CORO1B: variants seen among roughly 807,000 people sequenced by gnomAD.
CORO1B encodes the protein coronin 1B, also known as coronin-1B.
A neutral mutation model predicts 51.1 loss-of-function variants in CORO1B; 30 were observed. The ratio of observed to expected loss-of-function variants is 0.59; its 90% CI spans 0.44 to 0.80. The LOEUF (loss-of-function observed/expected upper bound fraction) is 0.80. Among genes scored for constraint, CORO1B ranks in the 30% least tolerant of loss-of-function variants. The probability of loss-of-function intolerance (pLI) is 0.00; values close to 1 mark genes in which losing one functional copy is unlikely to be tolerated. For missense variants in CORO1B, 648 were observed against 700.4 expected (o/e 0.93, Z 0.84); for synonymous variants, 310 against 289.7 (o/e 1.07, Z -0.71).
In CORO1B at chr11:67,438,439, C is replaced by T. The variant is rs1298924071; in HGVS notation, c.1407G>A (p.Glu469=). ...ELRALRALVK[E]QGDRICRLEE... Reference sequence around the variant, plus strand: ...CCAGGCGGCAGATGCGGTCGCCCTGCTCCTTGACCAGCGCCCTCAGGGCCC... The same window carrying T: ...CCAGGCGGCAGATGCGGTCGCCCTGTTCCTTGACCAGCGCCCTCAGGGCCC... The change falls in exon 11 of 11, where the codon GAG becomes GAA. Residue 469 remains glutamate, a synonymous_variant. Transcript: ENST00000341356. The T allele has an allele frequency of 1.2e-6, 2 of 1,611,466 alleles. No individual in the cohort carries two copies. Among genetic ancestry groups the T allele is most frequent in the Admixed American group, 1.7e-5 (1 of 59,986 alleles).
At position 67,438,497 on chromosome 11, in the gene CORO1B, G is replaced by A; in HGVS notation, c.1349C>T (p.Ala450Val). Reference sequence around the variant, plus strand: ...CTGCATCACCTCCTCCAGCTTCCCAGCCTCCTGTGGGGACATGAAGCAGGG... The same window carrying A: ...CTGCATCACCTCCTCCAGCTTCCCAACCTCCTGTGGGGACATGAAGCAGGG... ...PSGSLARAGEAGKLEEVMQEL... is the reference protein window; with the variant it reads ...PSGSLARAGEVGKLEEVMQEL... Residue 450 changes from alanine to valine, a missense_variant, in exon 11 of 11, where the codon GCT becomes GTT. By Grantham distance (64) the Ala-to-Val change is moderately conservative. Coordinates refer to ENST00000341356, the MANE Select transcript of CORO1B (RefSeq NM_020441.3). 2 of 1,607,724 alleles carry A rather than the reference G, an allele frequency of 1.2e-6. No homozygotes were observed. Among genetic ancestry groups the A allele is most frequent in the Non-Finnish European group, 1.7e-6 (2 of 1,176,372 alleles).
At chr11:67,441,599 C>T (rs760014296) in intron 4 of CORO1B, 85 bp from the exon 5 acceptor site, 2 of 1,555,920 alleles carry the variant, frequency 1.3e-6, no homozygotes, top group African/African-American at 1.4e-5. Flanking sequence ...CTGCCCACCA[C>T]CCTGGGACAG....
chr11:67,441,061 C>T, intron 6 of CORO1B, 64 bp downstream of exon 6: 1 of 1,611,054 alleles, frequency 6.2e-7, no homozygotes, highest in South Asian at 1.1e-5. Flanking sequence ...CAGGGTGAAC[C>T]CTGCCTGCCT....
chr11:67,441,574 A>T, intron 4 of CORO1B, 60 bp from the exon 5 acceptor site: 2 of 1,574,958 alleles, frequency 1.3e-6, no homozygotes, highest in Non-Finnish European at 1.7e-6. Flanking sequence ...TTAGCTCACC[A>T]GGCTGAGGCC....
chr11:67,441,948 G>A lies in CORO1B; in HGVS notation c.324+18C>T. Reference sequence around the variant, plus strand: ...CGGCCACACCCACGACCCTGGCCCAGCCAGTCCTGTGCCTCACCATGACCG... The same window carrying A: ...CGGCCACACCCACGACCCTGGCCCAACCAGTCCTGTGCCTCACCATGACCG... On this transcript the variant is annotated intron_variant, in intron 3 of 10. Coordinates refer to ENST00000341356, the MANE Select transcript of CORO1B (RefSeq NM_020441.3). 6.2e-7 allele frequency: 1 copy of A among 1,613,048 alleles called. No homozygotes were observed. Among genetic ancestry groups the A allele is most frequent in the Non-Finnish European group, 8.5e-7 (1 of 1,179,980 alleles).
chr11:67,441,670 G>T (rs1207112406), intron 4 of CORO1B, 63 bp downstream of exon 4: 1 of 1,415,676 alleles, frequency 7.1e-7, no homozygotes, highest in Admixed American at 1.9e-5. Flanking sequence ...CCCTGGAGGG[G>T]CTGCTGGGAT....
At position 67,436,700 on chromosome 11, in the gene CORO1B, G is replaced by A; in HGVS notation, c.*1676C>T. 3.8e-6 allele frequency: 1 copy of A among 260,858 alleles called. No homozygotes were observed. Among genetic ancestry groups the A allele is most frequent in the Non-Finnish European group, 7.3e-6 (1 of 137,378 alleles). 16.2% of individuals were successfully genotyped at this position (260,858 alleles called of 1,614,324 possible). On this transcript the variant is annotated 3_prime_UTR_variant, in exon 11 of 11. Coordinates refer to ENST00000341356, the MANE Select transcript of CORO1B (RefSeq NM_020441.3). ...CTCACCGTGCTCAAACTTCACCCCA[G>A]TGAGGCTGAACCTGACCTTAACCTC...
intron 9 of CORO1B, among the ~76,000 whole-genome samples, chr11:67,439,441 C>T (rs529943800): frequency 3.3e-5 from 5 of 152,358 alleles, no homozygotes; most frequent in Non-Finnish European, 5.9e-5. Flanking sequence ...CTGTGCCCTT[C>T]GCCTGGCCTG....
chr11:67,442,532 G>A lies in CORO1B; in HGVS notation c.97C>T (p.Arg33Cys), dbSNP rs1864419690. The change falls in exon 2 of 11, where the codon CGT becomes TGT. Residue 33 changes from arginine to cysteine, a missense_variant. Physicochemically the swap from Arg to Cys is radical, Grantham distance 180. Coordinates refer to ENST00000341356, the MANE Select transcript of CORO1B (RefSeq NM_020441.3). ...CAGAAGGTGCTGTCCCAGGTAACAC[G>A]GGACACGCGAATGTCCTCATAGCAC... ...DQCYEDIRVS[R>C]VTWDSTFCAV... 16 of 1,613,668 alleles carry A rather than the reference G, an allele frequency of 9.9e-6. No homozygotes were observed. In the East Asian group the frequency reaches 2.9e-4, roughly 29 times the overall value.
intron 8 of CORO1B, 42 bp from the exon 9 acceptor site, chr11:67,439,885 C>A: frequency 6.5e-7 from 1 of 1,537,626 alleles, no homozygotes; most frequent in Non-Finnish European, 8.8e-7. Flanking sequence ...CCCTCACCGC[C>A]CCCCCCACCC....
Position 67,438,623 on chromosome 11 carries a change from G to A in CORO1B, c.1344+48C>T, listed in dbSNP as rs1354292675. 2.6e-6 allele frequency: 4 copies of A among 1,518,376 alleles called. No individual in the cohort carries two copies. In the South Asian group the frequency reaches 3.8e-5, roughly 14 times the overall value. 94.1% of individuals were successfully genotyped at this position (1,518,376 alleles called of 1,614,324 possible). A position where few individuals can be genotyped will look rare whatever the true frequency, so the allele number is the denominator to read the frequency against. ...TGGCTGAAGCCCACACAGCAGGCCA[G>A]GGCCACACCTGGGGCTCCCAGCACC... On this transcript the variant is annotated intron_variant, in intron 10 of 10. Transcript: ENST00000341356.
chr11:67,441,306 C>T (rs1590987208), intron 5 of CORO1B, 27 bp downstream of exon 5: 1 of 1,613,012 alleles, frequency 6.2e-7, no homozygotes, highest in East Asian at 2.2e-5. Flanking sequence ...CTATCCACAG[C>T]CATCCTTGCC....
chr11:67,438,337 G>GGGCGGCGGAGGAGATGAAGGT lies in CORO1B; in HGVS notation c.*18_*38dup. 6.4e-7 allele frequency: 1 copy of GGGCGGCGGAGGAGATGAAGGT among 1,565,338 alleles called. No homozygotes were observed. The highest frequency in any genetic ancestry group is 8.7e-7 in the Non-Finnish European group (1 of 1,153,840). Reference sequence around the variant, plus strand: ...CGCTGGCAGAAGCTGAGTGGGAAGGGGGCGGCGGAGGAGATGAAGGTGGCG... The same window carrying GGGCGGCGGAGGAGATGAAGGT: ...CGCTGGCAGAAGCTGAGTGGGAAGGGGGCGGCGGAGGAGATGAAGGTGGCGGCGGAGGAGATGAAGGTGGCG... On this transcript the variant is annotated 3_prime_UTR_variant, in exon 11 of 11. Coordinates refer to ENST00000341356, the MANE Select transcript of CORO1B (RefSeq NM_020441.3).
At chr11:67,439,644 A>G (rs1864357685) in intron 9 of CORO1B, 142 bp downstream of exon 9, 2 of 917,826 alleles carry the variant, frequency 2.2e-6, no homozygotes, top group African/African-American at 3.3e-5. Flanking sequence ...TGGCTGGTAC[A>G]AGGGCAAGCT....
At chr11:67,441,682 T>C (rs781453241) in intron 4 of CORO1B, 51 bp downstream of exon 4, 31 of 1,230,888 alleles carry the variant, frequency 2.5e-5, no homozygotes, top group Admixed American at 1.5e-4. Context: ...TGCTGGGATG[T>C]ATGGAGGGGT....
At chr11:67,439,983 G>A (rs986705895) in intron 8 of CORO1B, 135 bp downstream of exon 8, 30 of 1,406,498 alleles carry the variant, frequency 2.1e-5, no homozygotes, top group Non-Finnish European at 2.9e-5. Flanking sequence ...ACCCCCACAC[G>A]GGCTGCCTCG....
At chr11:67,443,698 GGCAGGGCCGACGGCGGCCGCC>G, upstream of CORO1B, 3 of 981,612 alleles carry the variant, frequency 3.1e-6, no homozygotes, top group Non-Finnish European at 3.6e-6. Context: ...GGCGGGGCGG[GGCAGGGCCGACGGCGGCCGCC>G]GCAGAGGCGC....
chr11:67,442,737 G>T, intron 1 of CORO1B, 107 bp from the exon 2 acceptor site: 1 of 1,125,626 alleles, frequency 8.9e-7, no homozygotes, highest in Non-Finnish European at 1.3e-6. Context: ...CCAGGCCACC[G>T]TAACCCTCCT....
In CORO1B at chr11:67,442,429, T is replaced by C; in HGVS notation, c.200A>G (p.Lys67Arg). The C allele has an allele frequency of 6.2e-7, 1 of 1,613,002 alleles. No homozygotes were observed. Among genetic ancestry groups the C allele is most frequent in the Non-Finnish European group, 8.5e-7 (1 of 1,179,936 alleles). The change falls in exon 2 of 11, where the codon AAG becomes AGG. Residue 67 changes from lysine to arginine, a missense_variant and splice_region_variant. Transcript: ENST00000341356. ...GGAFLVLPLSKTGRIDKAYPT... is the reference protein window; with the variant it reads ...GGAFLVLPLSRTGRIDKAYPT... ...TCCCCCAACCCTGACAGGACCCACCTTGCTTAGGGGGAGCACCAGAAAGGC... is the reference window on the plus strand; with the variant it reads ...TCCCCCAACCCTGACAGGACCCACCCTGCTTAGGGGGAGCACCAGAAAGGC...
Sources: gnomAD v4.1 joint callset for allele counts (sites outside exome capture counted in the v4.1 genomes callset) on GRCh38, gnomAD v4.1.1 for gene constraint, MANE v1.5 for transcripts, NCBI Gene and HGNC (gene_info 2026-07-23, HGNC 2026-07-21) for gene names.